POMGNT1: variants seen among roughly 807,000 people sequenced by gnomAD.
POMGNT1 encodes the protein protein O-linked mannose N-acetylglucosaminyltransferase 1 (beta 1,2-), also known as protein O-linked-mannose beta-1,2-N-acetylglucosaminyltransferase 1.
In POMGNT1, 67 loss-of-function variants were observed where a neutral mutation model predicts 95.6. That is an observed-to-expected ratio of 0.70 (90% CI 0.58 to 0.86). POMGNT1 has a LOEUF of 0.86. Ranked by LOEUF, POMGNT1 falls within the 40% of genes least tolerant of loss-of-function variation. The pLI, the probability that POMGNT1 is intolerant of heterozygous loss-of-function variation, is 0.00. For missense variants in POMGNT1, 719 were observed against 855.2 expected, an observed-to-expected ratio of 0.84 and a Z score of 1.99; for synonymous variants, 298 against 317.9, an observed-to-expected ratio of 0.94 and a Z score of 0.66.
intron 1 of POMGNT1, among the ~76,000 whole-genome samples, chr1:46,208,918 T>C (rs1410449894): frequency 2.0e-5 from 3 of 151,964 alleles, no homozygotes; most frequent in Non-Finnish European, 4.4e-5. Flanking sequence ...GACAAGGTAA[T>C]AGGAACAAAA....
At chr1:46,192,846 A>T in intron 14 of POMGNT1, 54 bp downstream of exon 14, 4 of 1,610,780 alleles carry the variant, frequency 2.5e-6, no homozygotes, top group Non-Finnish European at 3.4e-6. Context: ...CACCTCACTG[A>T]CTCTTTCCCT....
exon 1 of POMGNT1, chr1:46,220,011 T>C: frequency 6.2e-7 from 1 of 1,614,176 alleles, no homozygotes; most frequent in Non-Finnish European, 8.5e-7. Flanking sequence ...CGAGATGGAC[T>C]GGGCAAAAGT....
At chr1:46,191,748 C>G in intron 17 of POMGNT1, 1 of 351,722 alleles carries the variant, frequency 2.8e-6, no homozygotes, top group Non-Finnish European at 5.6e-6. Flanking sequence ...CATTCTCCTG[C>G]CTCAGCCTCC....
At chr1:46,212,672 G>T (rs963962829) in intron 1 of POMGNT1, among the ~76,000 whole-genome samples, 1 of 152,172 alleles carries the variant, frequency 6.6e-6, no homozygotes, top group African/African-American at 2.4e-5. Flanking sequence ...TGCCTCCCGG[G>T]TTCAAGTGAT....
exon 1 of POMGNT1, chr1:46,219,778 T>G (rs746465104): frequency 6.2e-7 from 1 of 1,614,014 alleles, no homozygotes; most frequent in Non-Finnish European, 8.5e-7. Flanking sequence ...GTGCGCTGGC[T>G]GTTGGAGGAG....
rs1427735275 is a variant in POMGNT1, at chr1:46,196,506, C to A, written c.354+225G>T. Among the ~76,000 whole-genome samples the A allele has an allele frequency of 6.6e-6, 1 of 152,258 alleles. No homozygotes were observed. The highest frequency in any genetic ancestry group is 2.4e-5 in the African/African-American group (1 of 41,474). ...GACTGCCTACTATTATGAATGATTA[C>A]TTTTGAGATCCCACTACATACAAGA... is the stretch of plus-strand genomic sequence containing the variant. On this transcript the variant is annotated intron_variant, in intron 4 of 21. Coordinates refer to ENST00000371984, the MANE Select transcript of POMGNT1 (RefSeq NM_017739.4). The surrounding 1 kb of genome is among the most constrained non-coding windows in gnomAD (Gnocchi z 4.4).
chr1:46,216,091 G>A (rs1243263072), intron 1 of POMGNT1, among the ~76,000 whole-genome samples: 1 of 123,816 alleles, frequency 8.1e-6, no homozygotes, highest in African/African-American at 3.0e-5. Context: ...CTGTTGCCCA[G>A]GCTGGAGTGC....
At chr1:46,215,625 GC>G (rs1330007452) in intron 1 of POMGNT1, among the ~76,000 whole-genome samples, 1 of 152,230 alleles carries the variant, frequency 6.6e-6, no homozygotes, top group Non-Finnish European at 1.5e-5. Context: ...GAGGCTGGGT[GC>G]CATGGCACAT....
chr1:46,213,436 C>G (rs1658966847), intron 1 of POMGNT1, among the ~76,000 whole-genome samples: 1 of 151,254 alleles, frequency 6.6e-6, no homozygotes, highest in Non-Finnish European at 1.5e-5. Flanking sequence ...AAACCTCCTG[C>G]TGGTGTATTT....
chr1:46,198,541 G>GC (rs1174079879), upstream of POMGNT1: 7 of 76,112 alleles, frequency 9.2e-5, no homozygotes, highest in African/African-American at 3.6e-4. Flanking sequence ...GGCGGCGGCG[G>GC]TGGCGGCAGC....
Position 46,193,008 on chromosome 1 carries a change from T to A in POMGNT1, c.1153-50A>T, listed in dbSNP as rs753642645. ...GTCCCAAAGGGGTCTCTCCATCCTG[T>A]GATCTCCTTTGCCCCCAACCCTCTT... On this transcript the variant is annotated intron_variant, in intron 13 of 21. Transcript: ENST00000371984. 6 of 1,609,926 alleles carry A rather than the reference T, an allele frequency of 3.7e-6. 1 individual carries two copies. In the South Asian group the frequency reaches 5.5e-5, roughly 15 times the overall value.
chr1:46,211,104 A>C (rs1406804327), intron 1 of POMGNT1, among the ~76,000 whole-genome samples: 1 of 152,068 alleles, frequency 6.6e-6, no homozygotes, highest in Admixed American at 6.6e-5. Context: ...AAGAGACTTT[A>C]TTGGTTGTCC....
rs148499695 is a variant in POMGNT1 at position 46,192,856 on chromosome 1, T to G, written c.1211+44A>C. ...TAGGACACCTCACTGACTCTTTCCC[T>G]GCAGACTGAGGGACCTCAACTGAAA... On this transcript the variant is annotated intron_variant, in intron 14 of 21. Transcript: ENST00000371984. The G allele has an allele frequency of 6.9e-4, 1,105 of 1,613,108 alleles. 7 individuals carry two copies. In the African/African-American group the frequency reaches 0.012, roughly 18 times the overall value.
At chr1:46,213,906 A>G (rs1378613144) in intron 1 of POMGNT1, among the ~76,000 whole-genome samples, 1 of 152,076 alleles carries the variant, frequency 6.6e-6, no homozygotes, top group African/African-American at 2.4e-5. Flanking sequence ...AAACAGCCCA[A>G]TCAGATCATC....
In POMGNT1 at chr1:46,205,484, C is replaced by G. The variant is rs80291165; in HGVS notation, c.-50-7613G>C. On this transcript the variant is annotated intron_variant, in intron 1 of 22. Coordinates refer to the POMGNT1 transcript ENST00000371992. ...ATTTTATGTCATTGAAATGAGAAAACTGGTCATCATTTCTCCCATCTTACA... is the reference window on the plus strand; with the variant it reads ...ATTTTATGTCATTGAAATGAGAAAAGTGGTCATCATTTCTCCCATCTTACA... 5.3e-3 allele frequency among the ~76,000 whole-genome samples: 806 copies of G among 152,304 alleles called. 6 individuals carry two copies. Among genetic ancestry groups the G allele is most frequent in the Middle Eastern group, 0.041 (12 of 294 alleles).
At chr1:46,210,829 C>T (rs1260680871) in intron 1 of POMGNT1, among the ~76,000 whole-genome samples, 1 of 152,078 alleles carries the variant, frequency 6.6e-6, no homozygotes, top group Admixed American at 6.6e-5. Context: ...GGTTGGAGTA[C>T]AGTGGCTCAA....
rs1434020595 is a variant in POMGNT1 at position 46,192,104 on chromosome 1, G to A, written c.1533C>T (p.Tyr511=). ...FGIVGLNMNG[Y]FHEAYFKKHK... ...CTCCCTGCCTCCCACTCACGTGAAAGTAGCCATTCATGTTGAGGCCGACGA... is the reference window on the plus strand; with the variant it reads ...CTCCCTGCCTCCCACTCACGTGAAAATAGCCATTCATGTTGAGGCCGACGA... Residue 511 remains tyrosine (Y), a synonymous_variant, in exon 17 of 22, where the codon TAC becomes TAT. Transcript: ENST00000371984. The A allele has an allele frequency of 2.8e-5, 45 of 1,613,828 alleles. No individual in the cohort carries two copies. Among genetic ancestry groups the A allele is most frequent in the Non-Finnish European group, 3.7e-5 (44 of 1,179,818 alleles).
At chr1:46,215,225 C>CAAAAA (rs35554687) in intron 1 of POMGNT1, among the ~76,000 whole-genome samples, 1 of 75,578 alleles carries the variant, frequency 1.3e-5, no homozygotes, top group Non-Finnish European at 2.7e-5. Flanking sequence ...AACTCTGTCT[C>CAAAAA]AAAAAAAAAA....
In POMGNT1 at chr1:46,193,683, A is replaced by G. The variant is rs755711470; in HGVS notation, c.951-44T>C. 7 of 1,613,228 alleles carry G rather than the reference A, an allele frequency of 4.3e-6. No homozygotes were observed. In the African/African-American group the frequency reaches 6.7e-5, roughly 15 times the overall value. On this transcript the variant is annotated intron_variant, in intron 10 of 21. Coordinates refer to ENST00000371984, the MANE Select transcript of POMGNT1 (RefSeq NM_017739.4). Reference sequence around the variant, plus strand: ...GGTTAGGGTCACTTCATCACCCCTCAACTCAGGTTCCCCTGTGTTTACAGC... The same window carrying G: ...GGTTAGGGTCACTTCATCACCCCTCGACTCAGGTTCCCCTGTGTTTACAGC...
Sources: allele counts gnomAD v4.1 joint callset (sites outside exome capture counted in the v4.1 genomes callset), GRCh38; gene constraint gnomAD v4.1.1; non-coding constraint Gnocchi (gnomAD v3.1); transcripts MANE v1.5; gene names NCBI Gene and HGNC (gene_info 2026-07-23, HGNC 2026-07-21).